The following GRID2 variants were observed in gnomAD, a reference collection of about 807,000 sequenced individuals.
The protein encoded by GRID2 is glutamate receptor ionotropic, delta-2.
GRID2 carries 33 observed loss-of-function variants against 114.8 expected under a neutral mutation model. The ratio of observed to expected loss-of-function variants is 0.29; its 90% CI spans 0.22 to 0.38. GRID2 has a LOEUF of 0.38. GRID2 is among the 10% of genes least tolerant of loss of function. The probability of loss-of-function intolerance (pLI) is 1.00; values close to 1 mark genes in which losing one functional copy is unlikely to be tolerated. For synonymous variants in GRID2, 505 were observed against 449.9 expected (o/e 1.12, Z -1.55); for missense variants, 1,184 against 1,257.7 (o/e 0.94, Z 0.89).
intron 12 of GRID2, among the ~76,000 whole-genome samples, chr4:93,515,001 T>A (rs1169172802): frequency 1.3e-5 from 2 of 152,216 alleles, no homozygotes; most frequent in Non-Finnish European, 2.9e-5. Context: ...CCTTCAATAA[T>A]AATTTTGTGT....
At chr4:93,342,022 T>C (rs982216352) in intron 8 of GRID2, among the ~76,000 whole-genome samples, 1 of 152,206 alleles carries the variant, frequency 6.6e-6, no homozygotes, top group Non-Finnish European at 1.5e-5. Context: ...ACTATTATCT[T>C]GGTCCAAGCT....
At chr4:93,626,739 G>T (rs998452169) in intron 14 of GRID2, among the ~76,000 whole-genome samples, 1 of 152,168 alleles carries the variant, frequency 6.6e-6, no homozygotes, top group Admixed American at 6.5e-5. Flanking sequence ...AATTAAACTA[G>T]TAGTCTAGTC....
chr4:93,568,079 T>C (rs1305611138), intron 13 of GRID2, among the ~76,000 whole-genome samples: 2 of 152,196 alleles, frequency 1.3e-5, no homozygotes, highest in Non-Finnish European at 2.9e-5. Context: ...AGCTCTGCCC[T>C]ATCTGTGTGT....
At chr4:93,594,333 C>T (rs1429911134) in intron 13 of GRID2, among the ~76,000 whole-genome samples, 2 of 152,068 alleles carry the variant, frequency 1.3e-5, no homozygotes, top group Admixed American at 6.5e-5. Context: ...TCAGTGTGCC[C>T]CTGCTGGAGG....
At chr4:93,354,789 G>A (rs1377881764) in intron 8 of GRID2, among the ~76,000 whole-genome samples, 1 of 119,420 alleles carries the variant, frequency 8.4e-6, no homozygotes, top group South Asian at 2.8e-4. Context: ...TATATATGAA[G>A]ATTTATATAT....
chr4:93,671,408 G>A (rs1724400045), intron 14 of GRID2, among the ~76,000 whole-genome samples: 1 of 152,094 alleles, frequency 6.6e-6, no homozygotes, highest in Non-Finnish European at 1.5e-5. Context: ...TGGTATAGAA[G>A]CCTGTTGCAA....
intron 8 of GRID2, among the ~76,000 whole-genome samples, chr4:93,342,422 T>A (rs1291190139): frequency 6.6e-6 from 1 of 152,114 alleles, no homozygotes; most frequent in Non-Finnish European, 1.5e-5. Context: ...AAAATCCATT[T>A]CCTCATTTAA....
At chr4:92,882,082 A>T (rs1341825184) in intron 2 of GRID2, among the ~76,000 whole-genome samples, 1 of 152,174 alleles carries the variant, frequency 6.6e-6, no homozygotes, top group Non-Finnish European at 1.5e-5. Flanking sequence ...GAATGCCCAG[A>T]TTCAATTATT....
intron 8 of GRID2, among the ~76,000 whole-genome samples, chr4:93,273,873 T>C (rs1751770595): frequency 6.6e-6 from 1 of 152,104 alleles, no homozygotes; most frequent in Non-Finnish European, 1.5e-5. Context: ...AAAAGATAAA[T>C]TTTCCTTTTC....
intron 13 of GRID2, among the ~76,000 whole-genome samples, chr4:93,528,771 T>C (rs1418045753): frequency 2.0e-5 from 3 of 152,146 alleles, no homozygotes; most frequent in Non-Finnish European, 4.4e-5. Context: ...GAAGTATGTA[T>C]AGTTCAACAG....
At chr4:93,536,983 A>T (rs535717354) in intron 13 of GRID2, among the ~76,000 whole-genome samples, 21 of 151,494 alleles carry the variant, frequency 1.4e-4, no homozygotes, top group African/African-American at 5.1e-4. Flanking sequence ...ATGTCTCTGC[A>T]TTTTTTTAAT....
At chr4:93,331,856 A>G (rs922328880) in intron 8 of GRID2, among the ~76,000 whole-genome samples, 4 of 152,174 alleles carry the variant, frequency 2.6e-5, no homozygotes. Context: ...AAAGAGACAC[A>G]AGTTATTTTT....
At chr4:93,104,577 A>G (rs933441787) in intron 3 of GRID2, among the ~76,000 whole-genome samples, 37 of 151,722 alleles carry the variant, frequency 2.4e-4, no homozygotes, top group Non-Finnish European at 4.3e-4. Context: ...TTGTCCTTGC[A>G]ATAGTTTACT....
intron 10 of GRID2, among the ~76,000 whole-genome samples, chr4:93,427,083 T>G (rs1367616402): frequency 6.6e-6 from 1 of 151,998 alleles, no homozygotes; most frequent in Admixed American, 6.6e-5. Context: ...ACTATCAAGT[T>G]AAGGGTACAC....
intron 2 of GRID2, among the ~76,000 whole-genome samples, chr4:92,708,895 C>G: frequency 6.6e-6 from 1 of 152,010 alleles, no homozygotes; most frequent in East Asian, 1.9e-4. Flanking sequence ...CTAGCCTCGG[C>G]AACAAGAGTG....
In GRID2 at chr4:92,816,318, CAAAA is replaced by C. The variant is rs764487348; in HGVS notation, c.244+226052_244+226055del. 5.4e-4 allele frequency among the ~76,000 whole-genome samples: 26 copies of C among 48,258 alleles called. No individual in the cohort carries two copies. In the East Asian group the frequency reaches 0.014, roughly 25 times the overall value. 31.7% of individuals were successfully genotyped at this position (48,258 alleles called of 152,430 possible). On this transcript the variant is annotated intron_variant, in intron 2 of 15. Transcript: ENST00000282020. ...CAACAAGAGTAAATCTCTGTCTCACCAAAAAAAAAAAAAAAAAAAAAAAGTACAT... is the reference window on the plus strand; with the variant it reads ...CAACAAGAGTAAATCTCTGTCTCACCAAAAAAAAAAAAAAAAAAAGTACAT...
chr4:93,669,881 G>A (rs888534875), intron 14 of GRID2, among the ~76,000 whole-genome samples: 19 of 152,088 alleles, frequency 1.2e-4, no homozygotes, highest in African/African-American at 4.6e-4. Flanking sequence ...AAAATTTGAA[G>A]ATGATCTGGA....
chr4:93,677,281 C>G (rs554161010), intron 14 of GRID2, among the ~76,000 whole-genome samples: 3 of 152,298 alleles, frequency 2.0e-5, no homozygotes, highest in South Asian at 4.1e-4. Context: ...CTGGGAAGCT[C>G]GAACTGGGTG....
chr4:93,415,279 A>G (rs74743342), intron 9 of GRID2, among the ~76,000 whole-genome samples: 7,505 of 152,160 alleles, frequency 0.049, 222 homozygotes, highest in Middle Eastern at 0.2. Context: ...TGCACTTGCA[A>G]AGTTCTTTGT....
Sources: allele counts gnomAD v4.1 joint callset (sites outside exome capture counted in the v4.1 genomes callset), GRCh38; gene constraint gnomAD v4.1.1; transcripts MANE v1.5; gene names NCBI Gene and HGNC (gene_info 2026-07-23, HGNC 2026-07-21).